SIPA1L1: variants seen among roughly 807,000 people sequenced by gnomAD.
SIPA1L1 encodes the protein signal-induced proliferation-associated 1-like protein 1.
A neutral mutation model predicts 162.7 loss-of-function variants in SIPA1L1; 26 were observed. The observed-to-expected ratio is 0.16, with a 90% confidence interval of 0.12 to 0.22. The LOEUF (loss-of-function observed/expected upper bound fraction) is 0.22, where lower values mean the gene tolerates loss of function less well. SIPA1L1 is among the 10% of genes least tolerant of loss of function. SIPA1L1 has a pLI of 1.00. For missense variants in SIPA1L1, 1,874 were observed against 2,241.0 expected (o/e 0.84, Z 3.31); for synonymous variants, 829 against 837.4 (o/e 0.99, Z 0.17).
chr14:71,709,457 G>A lies in SIPA1L1; in HGVS notation c.4001G>A (p.Gly1334Asp). Residue 1334 changes from glycine (G) to aspartate (D), a missense_variant, in exon 17 of 24, where the codon GGC becomes GAC. Gly to Asp is a moderately conservative substitution (Grantham distance 94, BLOSUM62 -1). Coordinates refer to ENST00000381232, the MANE Select transcript of SIPA1L1 (RefSeq NM_001386936.1). ...ACATCGTCACCTCGCTCAGGGCCAG[G>A]CAAGGAGAAAGTGGCACCCCTATGG... The part of the protein sequence containing the change: ...AATSSPRSGP[G>D]KEKVAPLWHS... The A allele has an allele frequency of 1.2e-6, 2 of 1,614,220 alleles. No homozygotes were observed. Among genetic ancestry groups the A allele is most frequent in the Non-Finnish European group, 1.7e-6 (2 of 1,180,042 alleles).
chr14:71,399,472 G>A (rs1447803893), intron 2 of SIPA1L1, among the ~76,000 whole-genome samples: 1 of 151,486 alleles, frequency 6.6e-6, no homozygotes, highest in Non-Finnish European at 1.5e-5. Context: ...TGGTACTATC[G>A]TAGCTCACTA....
chr14:71,355,590 T>C (rs1317590319), intron 2 of SIPA1L1, among the ~76,000 whole-genome samples: 1 of 152,246 alleles, frequency 6.6e-6, no homozygotes, highest in Admixed American at 6.5e-5. Flanking sequence ...AAATGATGTT[T>C]ATTGTATCCT....
intron 2 of SIPA1L1, among the ~76,000 whole-genome samples, chr14:71,492,029 C>G (rs1014144341): frequency 2.0e-5 from 3 of 152,124 alleles, no homozygotes; most frequent in African/African-American, 7.2e-5. Context: ...GTATTTCAAC[C>G]TGTGTAATGG....
chr14:71,354,648 A>G (rs994274664), intron 2 of SIPA1L1, among the ~76,000 whole-genome samples: 4 of 152,104 alleles, frequency 2.6e-5, no homozygotes, highest in African/African-American at 9.7e-5. Flanking sequence ...CATATGGTAC[A>G]TGTGTAGTTG....
At chr14:71,560,243 T>C (rs1054134987) in intron 4 of SIPA1L1, among the ~76,000 whole-genome samples, 2 of 152,314 alleles carry the variant, frequency 1.3e-5, no homozygotes, top group African/African-American at 2.4e-5. Flanking sequence ...TTAGAAAACC[T>C]CTCTAGTAGC....
chr14:71,726,496 A>G (rs1242359153), intron 19 of SIPA1L1, among the ~76,000 whole-genome samples: 1 of 152,236 alleles, frequency 6.6e-6, no homozygotes, highest in African/African-American at 2.4e-5. Context: ...CAGAGCCTTC[A>G]TTCTTTTGAT....
At chr14:71,528,238 A>C (rs576534114) in intron 3 of SIPA1L1, among the ~76,000 whole-genome samples, 2 of 152,194 alleles carry the variant, frequency 1.3e-5, no homozygotes, top group Non-Finnish European at 2.9e-5. Context: ...GTCTCCTCAG[A>C]TCTTCAAGTT....
At chr14:71,480,499 C>T (rs2048271539) in intron 2 of SIPA1L1, among the ~76,000 whole-genome samples, 1 of 150,082 alleles carries the variant, frequency 6.7e-6, no homozygotes, top group South Asian at 2.1e-4. Flanking sequence ...CAGTGGCTCA[C>T]GCCTGTAATC....
Position 71,709,335 on chromosome 14 carries a change from C to G in SIPA1L1, c.3879C>G (p.Asn1293Lys). 1 of 1,614,208 alleles carries G rather than the reference C, an allele frequency of 6.2e-7. No individual in the cohort carries two copies. Among genetic ancestry groups the G allele is most frequent in the Middle Eastern group, 1.6e-4 (1 of 6,062 alleles). Residue 1293 changes from asparagine to lysine, a missense_variant, in exon 17 of 24, where the codon AAC becomes AAG. This residue lies in a region of SIPA1L1 where 936 missense variants were observed against 1,051.9 expected (regional missense o/e 0.89). Coordinates refer to ENST00000381232, the MANE Select transcript of SIPA1L1 (RefSeq NM_001386936.1). ...YDGDRTESEL[N>K]SYNYLQGTSA... ...GGGACCGCACAGAATCCGAACTCAA[C>G]AGCTATAACTATCTGCAAGGCACCT...
intron 4 of SIPA1L1, among the ~76,000 whole-genome samples, chr14:71,534,595 A>G (rs1434934404): frequency 6.6e-6 from 1 of 152,204 alleles, no homozygotes; most frequent in Non-Finnish European, 1.5e-5. Context: ...AATTTCCTTC[A>G]CAAACCAATT....
At chr14:71,454,251 G>A (rs924893881) in intron 2 of SIPA1L1, among the ~76,000 whole-genome samples, 2 of 152,080 alleles carry the variant, frequency 1.3e-5, no homozygotes, top group East Asian at 1.9e-4. Context: ...TAATTAGAAA[G>A]GGTAGATGGA....
chr14:71,448,283 A>G (rs2045564878), intron 2 of SIPA1L1, among the ~76,000 whole-genome samples: 2 of 152,130 alleles, frequency 1.3e-5, no homozygotes, highest in African/African-American at 4.8e-5. Context: ...TTATAGTAAT[A>G]ACTGACCTTT....
At chr14:71,570,611 A>G (rs565175671) in intron 4 of SIPA1L1, among the ~76,000 whole-genome samples, 1 of 152,302 alleles carries the variant, frequency 6.6e-6, no homozygotes. Flanking sequence ...AAGGATAGCC[A>G]GTTATAGCAG....
At chr14:71,709,150 A>G (rs1408190818) in intron 16 of SIPA1L1, 72 bp from the exon 17 acceptor site, 18 of 1,256,804 alleles carry the variant, frequency 1.4e-5, no homozygotes, top group Non-Finnish European at 1.8e-5. Context: ...AATTAATCAC[A>G]GTGTCATTTC....
At chr14:71,625,096 C>T (rs1184693549) in intron 7 of SIPA1L1, among the ~76,000 whole-genome samples, 2 of 151,668 alleles carry the variant, frequency 1.3e-5, no homozygotes, top group African/African-American at 4.8e-5. Flanking sequence ...TTTTTTTCCC[C>T]ATTATGTTCA....
chr14:71,361,073 C>T (rs1183298283), intron 2 of SIPA1L1, among the ~76,000 whole-genome samples: 1 of 152,094 alleles, frequency 6.6e-6, no homozygotes, highest in Non-Finnish European at 1.5e-5. Context: ...CAGCAAACCT[C>T]ACTGTACCCT....
At chr14:71,618,712 T>A (rs1237398811) in intron 5 of SIPA1L1, 45 bp from the exon 6 acceptor site, 1 of 1,581,900 alleles carries the variant, frequency 6.3e-7, no homozygotes. Context: ...ATTTTCAAAG[T>A]GTTAGGTAGA....
At chr14:71,430,419 C>T (rs1324394694) in intron 2 of SIPA1L1, among the ~76,000 whole-genome samples, 3 of 152,292 alleles carry the variant, frequency 2.0e-5, no homozygotes, top group South Asian at 2.1e-4. Context: ...ACAATAGTTA[C>T]GTCTGTTCCA....
chr14:71,496,717 T>TTG (rs2049812292), intron 2 of SIPA1L1, among the ~76,000 whole-genome samples: 1 of 146,204 alleles, frequency 6.8e-6, no homozygotes, highest in Non-Finnish European at 1.6e-5. Context: ...TATTAATGAA[T>TTG]TGTCTCTCTC....
Sources: gnomAD v4.1 joint callset for allele counts (sites outside exome capture counted in the v4.1 genomes callset) on GRCh38, gnomAD v4.1.1 for gene constraint, gnomAD v4.1.1 regional missense constraint, MANE v1.5 for transcripts, NCBI Gene and HGNC (gene_info 2026-07-23, HGNC 2026-07-21) for gene names.